The following ANXA8 variants were observed in gnomAD, a reference collection of about 807,000 sequenced individuals.
ANXA8 encodes the protein annexin A8, also known as VAC-beta.
Under a neutral mutation model 26.8 loss-of-function variants are expected in ANXA8, and 9 were observed. The observed-to-expected ratio is 0.34, with a 90% CI of 0.20 to 0.59. ANXA8 has a LOEUF of 0.59. ANXA8 is among the 20% of genes least tolerant of loss of function. The pLI is 0.84. For missense variants in ANXA8, 83 were observed against 238.5 expected (o/e 0.35, Z 4.29); for synonymous variants, 39 against 94.8 (o/e 0.41, Z 3.42).
At chr10:47,647,809 C>T in the ANXA8 span, among the ~76,000 whole-genome samples, 1 of 151,876 alleles carries the variant, frequency 6.6e-6, no homozygotes, top group East Asian at 1.9e-4. Flanking sequence ...GAATACTACA[C>T]TATGACTATG....
the ANXA8 span, chr10:47,753,284 A>C: frequency 8.7e-6 from 4 of 459,738 alleles, no homozygotes; most frequent in Non-Finnish European, 1.0e-5. Context: ...GCTGCTCACT[A>C]GCTTGAGTGC....
At chr10:47,656,363 G>A in the ANXA8 span, among the ~76,000 whole-genome samples, 9 of 150,736 alleles carry the variant, frequency 6.0e-5, no homozygotes, top group South Asian at 2.1e-4. Context: ...GTGCCACTGC[G>A]CTCCAACCTG....
At chr10:47,553,865 C>T in the ANXA8 span, among the ~76,000 whole-genome samples, 1 of 149,224 alleles carries the variant, frequency 6.7e-6, no homozygotes, top group South Asian at 2.1e-4. Context: ...TTGGTTCTGG[C>T]CGCCCCGGAG....
At chr10:47,572,748 A>C in the ANXA8 span, among the ~76,000 whole-genome samples, 53 of 145,026 alleles carry the variant, frequency 3.7e-4, no homozygotes, top group East Asian at 0.01. Context: ...AAAAAGAAGA[A>C]CGTATCTGTT....
chr10:47,973,936 T>C, the ANXA8 span, among the ~76,000 whole-genome samples: 1 of 151,214 alleles, frequency 6.6e-6, no homozygotes, highest in African/African-American at 2.4e-5. Flanking sequence ...TTATTATTGG[T>C]TTAATTTCAG....
chr10:47,986,967 A>G, the ANXA8 span: 35 of 525,492 alleles, frequency 6.7e-5, no homozygotes, highest in East Asian at 1.2e-3. Flanking sequence ...ACCTCGTCCA[A>G]GATCTGTCTG....
At chr10:47,626,539 A>C in the ANXA8 span, among the ~76,000 whole-genome samples, 1 of 149,824 alleles carries the variant, frequency 6.7e-6, no homozygotes, top group Non-Finnish European at 1.5e-5. Flanking sequence ...TTAGAACGTT[A>C]AAGTTTCTCC....
At chr10:47,528,435 T>C in the ANXA8 span, among the ~76,000 whole-genome samples, 1 of 126,840 alleles carries the variant, frequency 7.9e-6, no homozygotes, top group Non-Finnish European at 1.6e-5. Context: ...TATAGAAAAG[T>C]CTACACTTCT....
the ANXA8 span, among the ~76,000 whole-genome samples, chr10:47,495,931 A>G: frequency 6.6e-6 from 1 of 151,540 alleles, no homozygotes; most frequent in African/African-American, 2.4e-5. Context: ...ATGAAGAAGG[A>G]GCAGGTGGTG....
the ANXA8 span, among the ~76,000 whole-genome samples, chr10:47,681,977 G>T: frequency 6.9e-6 from 1 of 143,942 alleles, no homozygotes; most frequent in Non-Finnish European, 1.5e-5. Flanking sequence ...TTCTAGTAAT[G>T]CTGGATCCAA....
the ANXA8 span, among the ~76,000 whole-genome samples, chr10:47,490,558 A>G: frequency 6.6e-6 from 1 of 151,898 alleles, no homozygotes; most frequent in East Asian, 1.9e-4. Context: ...AGTGAATGAG[A>G]AACATATGGC....
the ANXA8 span, among the ~76,000 whole-genome samples, chr10:47,724,314 T>G: frequency 7.2e-6 from 1 of 138,434 alleles, no homozygotes; most frequent in Non-Finnish European, 1.6e-5. Context: ...CCTCCTGGCC[T>G]TGCCTCCTCC....
chr10:47,612,807 G>A, the ANXA8 span, among the ~76,000 whole-genome samples: 3 of 73,736 alleles, frequency 4.1e-5, 1 homozygote, highest in Non-Finnish European at 1.0e-4. Context: ...TGCTACCTTG[G>A]GACTCTTCTG....
chr10:47,743,966 T>TG, the ANXA8 span, among the ~76,000 whole-genome samples: 1 of 141,622 alleles, frequency 7.1e-6, no homozygotes, highest in Non-Finnish European at 1.5e-5. Flanking sequence ...CAGACGGTAC[T>TG]GCAGCAATGG....
the ANXA8 span, among the ~76,000 whole-genome samples, chr10:47,687,639 G>C: frequency 6.6e-6 from 1 of 151,858 alleles, no homozygotes; most frequent in Non-Finnish European, 1.5e-5. Flanking sequence ...GAACTTGAAG[G>C]CTTTTGCTGT....
At chr10:47,546,394 C>A in the ANXA8 span, among the ~76,000 whole-genome samples, 4 of 102,402 alleles carry the variant, frequency 3.9e-5, no homozygotes, top group African/African-American at 1.2e-4. Flanking sequence ...CAGATAAGAC[C>A]AATTTTTTTT....
chr10:47,686,727 C>T, the ANXA8 span, among the ~76,000 whole-genome samples: 6 of 151,746 alleles, frequency 4.0e-5, no homozygotes, highest in African/African-American at 7.3e-5. Flanking sequence ...GTCAAAAAAG[C>T]GGAATGTTTC....
chr10:47,606,555 A>C, the ANXA8 span, among the ~76,000 whole-genome samples: 4 of 147,010 alleles, frequency 2.7e-5, no homozygotes, highest in African/African-American at 8.0e-5. Flanking sequence ...TTGTTCTTTG[A>C]AGGGATGTGG....
At chr10:47,548,529 G>A in the ANXA8 span, among the ~76,000 whole-genome samples, 2 of 152,048 alleles carry the variant, frequency 1.3e-5, no homozygotes, top group Non-Finnish European at 2.9e-5. Context: ...TCGAACTCCC[G>A]ACCTCAGGTG....
Sources: gnomAD v4.1 joint callset for allele counts (sites outside exome capture counted in the v4.1 genomes callset) on GRCh38, gnomAD v4.1.1 for gene constraint, MANE v1.5 for transcripts, NCBI Gene and HGNC (gene_info 2026-07-23, HGNC 2026-07-21) for gene names.